DYNC2H1: variants seen among roughly 807,000 people sequenced by gnomAD.
DYNC2H1 encodes cytoplasmic dynein 2 heavy chain 1.
A neutral mutation model predicts 570.0 loss-of-function variants in DYNC2H1; 410 were observed. The observed-to-expected ratio is 0.72, with a 90% CI of 0.66 to 0.78. DYNC2H1 has a LOEUF of 0.78. Among genes scored for constraint, DYNC2H1 ranks in the 30% least tolerant of loss-of-function variants. The probability of loss-of-function intolerance (pLI) is 0.00; values close to 1 mark genes in which losing one functional copy is unlikely to be tolerated. For missense variants in DYNC2H1, 4,865 were observed against 5,046.4 expected (o/e 0.96, Z 1.09); for synonymous variants, 1,688 against 1,677.6 (o/e 1.01, Z -0.15).
Position 103,209,855 on chromosome 11 carries a change from G to A in DYNC2H1, c.8455-21G>A. On this transcript the variant is annotated intron_variant, in intron 52 of 88. Coordinates refer to ENST00000375735, the MANE Select transcript of DYNC2H1 (RefSeq NM_001377.3). The surrounding 1 kb of genome is among the most constrained non-coding windows in gnomAD (Gnocchi z 4.2). Reference sequence around the variant, plus strand: ...TATGGGACTTATACTCTTTCATAGTGATATTCTTTTTATGTTTTAGATACC... The same window carrying A: ...TATGGGACTTATACTCTTTCATAGTAATATTCTTTTTATGTTTTAGATACC... 1.4e-6 allele frequency: 2 copies of A among 1,451,786 alleles called. No homozygotes were observed. Among genetic ancestry groups the A allele is most frequent in the Admixed American group, 2.8e-5 (1 of 35,704 alleles). 89.9% of individuals were successfully genotyped at this position (1,451,786 alleles called of 1,614,324 possible). A position where few individuals can be genotyped will look rare whatever the true frequency, so the allele number is the denominator to read the frequency against.
At chr11:103,339,255 C>T (rs545944217) in intron 82 of DYNC2H1, among the ~76,000 whole-genome samples, 8 of 152,130 alleles carry the variant, frequency 5.3e-5, no homozygotes, top group Admixed American at 3.9e-4. Context: ...CAGTTGACTG[C>T]ATTAGAACAC....
intron 38 of DYNC2H1, 56 bp from the exon 39 acceptor site, chr11:103,178,970 A>G (rs1861738781): frequency 6.8e-7 from 1 of 1,473,906 alleles, no homozygotes; most frequent in Admixed American, 2.0e-5. Flanking sequence ...CTTATTTTTA[A>G]TTATTATCAC....
intron 81 of DYNC2H1, among the ~76,000 whole-genome samples, chr11:103,322,268 T>C (rs1225938916): frequency 4.6e-5 from 7 of 152,106 alleles, no homozygotes; most frequent in Admixed American, 1.3e-4. Context: ...TACTATACAT[T>C]TAACTCAGAT....
At chr11:103,360,821 T>G (rs1940600989) in intron 83 of DYNC2H1, among the ~76,000 whole-genome samples, 1 of 152,102 alleles carries the variant, frequency 6.6e-6, no homozygotes, top group Admixed American at 6.6e-5. Flanking sequence ...AAATATATTA[T>G]TACAAATTAT....
In DYNC2H1 at chr11:103,203,769, C is replaced by T; in HGVS notation, c.8304C>T (p.Phe2768=). The T allele has an allele frequency of 2.5e-6, 4 of 1,592,434 alleles. No individual in the cohort carries two copies. Among genetic ancestry groups the T allele is most frequent in the Non-Finnish European group, 3.4e-6 (4 of 1,165,070 alleles). ...DGFFGPVFNY[F]TYRIQQNLHI... ...TTTTTGGACCAGTCTTCAATTACTT[C>T]ACATATAGTAAGTGACATAGAATTC... Residue 2768 remains phenylalanine (F), a synonymous_variant, in exon 51 of 89, where the codon TTC becomes TTT. Transcript: ENST00000375735. This position sits in a 1 kb window ranked among gnomAD's most constrained non-coding sequence, Gnocchi z 4.7.
At chr11:103,444,798 C>A (rs1471501682) in intron 85 of DYNC2H1, among the ~76,000 whole-genome samples, 1 of 152,140 alleles carries the variant, frequency 6.6e-6, no homozygotes, top group African/African-American at 2.4e-5. Context: ...AGTACAGAAT[C>A]TCTGAGACAG....
In DYNC2H1 at chr11:103,125,266, T is replaced by A. The variant is rs774827754; in HGVS notation, c.1828T>A (p.Phe610Ile). 1.9e-6 allele frequency: 3 copies of A among 1,609,242 alleles called. No homozygotes were observed. The South Asian group carries it at 3.3e-5, about 18-fold the overall frequency. ...GCAAGTTGCAAACATTGCACAGAAA[T>A]TCTGCAAGCAAGCAATTATTCTTAA... The part of the protein sequence containing the change: ...IQQVANIAQK[F>I]CKQAIILKQV... Residue 610 changes from phenylalanine (F) to isoleucine (I), a missense_variant, in exon 12 of 89, where the codon TTC becomes ATC. This residue lies in a region of DYNC2H1 where 1,936 missense variants were observed against 1,962.1 expected (regional missense o/e 0.99). Coordinates refer to ENST00000375735, the MANE Select transcript of DYNC2H1 (RefSeq NM_001377.3).
rs1391309604 is a variant in DYNC2H1 at position 103,154,642 on chromosome 11, G to T, written c.3458+36G>T. On this transcript the variant is annotated intron_variant, in intron 23 of 88. Coordinates refer to ENST00000375735, the MANE Select transcript of DYNC2H1 (RefSeq NM_001377.3). ...AAAACAATATTTAGACTAATAATTT[G>T]GTTGTTTTATTTTTGGATGTAATCT... is the stretch of plus-strand genomic sequence containing the variant. 3 of 1,574,120 alleles carry T rather than the reference G, an allele frequency of 1.9e-6. No homozygotes were observed. The African/African-American group carries it at 4.1e-5, about 21-fold the overall frequency.
At chr11:103,267,104 T>C (rs2135295321) in intron 70 of DYNC2H1, among the ~76,000 whole-genome samples, 1 of 152,262 alleles carries the variant, frequency 6.6e-6, no homozygotes, top group East Asian at 1.9e-4. Flanking sequence ...GATCTTTTCC[T>C]GCCCGGGTTC....
At position 103,186,284 on chromosome 11, in the gene DYNC2H1, C is replaced by A; in HGVS notation, c.6676C>A (p.Pro2226Thr). The part of the protein sequence containing the change: ...ARESPPDFHK[P>T]MDTYYDSTRG... Reference sequence around the variant, plus strand: ...AGAATCTCCTCCAGACTTTCACAAACCTATGGATACCTACTATGACTCTAC... The same window carrying A: ...AGAATCTCCTCCAGACTTTCACAAAACTATGGATACCTACTATGACTCTAC... The change falls in exon 42 of 89, where the codon CCT (proline) becomes ACT (threonine). Residue 2226 changes from proline (P) to threonine (T), a missense_variant. By Grantham distance (38) the Pro-to-Thr change is conservative. Transcript: ENST00000375735. The surrounding 1 kb of genome is among the most constrained non-coding windows in gnomAD (Gnocchi z 4.5). The A allele has an allele frequency of 6.2e-7, 1 of 1,612,196 alleles. No individual in the cohort carries two copies. The highest frequency in any genetic ancestry group is 8.5e-7 in the Non-Finnish European group (1 of 1,178,926).
chr11:103,436,127 T>G, intron 85 of DYNC2H1, 95 bp downstream of exon 85: 1 of 1,019,210 alleles, frequency 9.8e-7, no homozygotes, highest in Non-Finnish European at 1.4e-6. Flanking sequence ...AGAATTACAC[T>G]ATGATTTTGC....
intron 82 of DYNC2H1, among the ~76,000 whole-genome samples, chr11:103,328,392 AT>A (rs1170804206): frequency 2.0e-5 from 3 of 152,268 alleles, no homozygotes; most frequent in East Asian, 1.9e-4. Context: ...ATATTTAGAG[AT>A]TTTTTTCATT....
At chr11:103,218,263 A>C (rs1326707322) in intron 55 of DYNC2H1, among the ~76,000 whole-genome samples, 1 of 152,232 alleles carries the variant, frequency 6.6e-6, no homozygotes. Flanking sequence ...GAAGCATTAC[A>C]CTTAAGCGAA....
At chr11:103,368,948 A>G (rs935356506) in intron 83 of DYNC2H1, among the ~76,000 whole-genome samples, 6 of 152,126 alleles carry the variant, frequency 3.9e-5, no homozygotes, top group Non-Finnish European at 7.3e-5. Context: ...CCCTCTACCA[A>G]CCCTGCAAGG....
At chr11:103,451,478 G>A (rs896659825) in intron 85 of DYNC2H1, among the ~76,000 whole-genome samples, 14 of 151,706 alleles carry the variant, frequency 9.2e-5, no homozygotes, top group African/African-American at 2.2e-4. Context: ...GGCTACAGGC[G>A]CGTGCCACCA....
intron 84 of DYNC2H1, among the ~76,000 whole-genome samples, chr11:103,420,709 CA>C (rs1305189157): frequency 6.6e-6 from 1 of 151,778 alleles, no homozygotes; most frequent in Non-Finnish European, 1.5e-5. Flanking sequence ...GCCTGCCTTA[CA>C]AAAGCTCCTG....
chr11:103,147,971 A>G, intron 19 of DYNC2H1, 84 bp downstream of exon 19: 1 of 1,041,160 alleles, frequency 9.6e-7, no homozygotes, highest in Non-Finnish European at 1.4e-6. Flanking sequence ...GTGAATTTCA[A>G]TGATCATTAA....
intron 63 of DYNC2H1, among the ~76,000 whole-genome samples, chr11:103,242,610 G>A (rs1404201321): frequency 6.6e-6 from 1 of 152,148 alleles, no homozygotes; most frequent in African/African-American, 2.4e-5. Flanking sequence ...AGGTAGCAAT[G>A]ATTGTTAAAT....
Position 103,170,691 on chromosome 11 carries a change from A to G in DYNC2H1, c.5152-195A>G, listed in dbSNP as rs531963601. 6.6e-6 allele frequency among the ~76,000 whole-genome samples: 1 copy of G among 152,308 alleles called. No individual in the cohort carries two copies. Among genetic ancestry groups the G allele is most frequent in the East Asian group, 1.9e-4 (1 of 5,188 alleles). The stretch of plus-strand genomic sequence containing the variant: ...TGCAAGCTTTTTAGAACACTTTCAC[A>G]TGCATTATTTTGTTTATCCCTTGAA... On this transcript the variant is annotated intron_variant, in intron 33 of 88. Coordinates refer to ENST00000375735, the MANE Select transcript of DYNC2H1 (RefSeq NM_001377.3). This position sits in a 1 kb window ranked among gnomAD's most constrained non-coding sequence, Gnocchi z 4.8.
Sources: allele counts gnomAD v4.1 joint callset (sites outside exome capture counted in the v4.1 genomes callset), GRCh38; gene constraint gnomAD v4.1.1; regional missense constraint gnomAD v4.1.1; non-coding constraint Gnocchi (gnomAD v3.1); transcripts MANE v1.5; gene names NCBI Gene and HGNC (gene_info 2026-07-23, HGNC 2026-07-21).